DCDC1: variants seen among roughly 807,000 people sequenced by gnomAD.
DCDC1 encodes the protein doublecortin domain-containing protein 1.
In DCDC1, 200 loss-of-function variants were observed where a neutral mutation model predicts 178.3. The ratio of observed to expected loss-of-function variants is 1.12; its 90% CI spans 1.00 to 1.26. The LOEUF (loss-of-function observed/expected upper bound fraction) is 1.26. Ranked by LOEUF, DCDC1 falls within the 50% of genes most tolerant of loss-of-function variation. The pLI is 0.00. For synonymous variants in DCDC1, 690 were observed against 604.8 expected (o/e 1.14, Z -2.07); for missense variants, 1,983 against 1,749.2 (o/e 1.13, Z -2.38).
chr11:31,106,752 T>C (rs1036745113), intron 13 of DCDC1, 45 bp downstream of exon 13: 2 of 745,600 alleles, frequency 2.7e-6, no homozygotes, highest in African/African-American at 3.5e-5. Flanking sequence ...AAATTAGCTC[T>C]CCCCTGGAAA....
chr11:30,912,214 G>C (rs1249245794), intron 27 of DCDC1, among the ~76,000 whole-genome samples: 1 of 152,000 alleles, frequency 6.6e-6, no homozygotes, highest in Non-Finnish European at 1.5e-5. Context: ...CTCAACATTG[G>C]ACTTTCCAAC....
At chr11:31,028,452 T>C (rs1301535012) in intron 20 of DCDC1, among the ~76,000 whole-genome samples, 1 of 151,992 alleles carries the variant, frequency 6.6e-6, no homozygotes, top group Non-Finnish European at 1.5e-5. Context: ...CTAGAGTTAC[T>C]GATGCCCTGT....
intron 36 of DCDC1, chr11:30,883,339 G>C (rs966044889): frequency 8.2e-6 from 2 of 242,540 alleles, no homozygotes; most frequent in African/African-American, 4.7e-5. Context: ...AAGAGACAAA[G>C]TGTATGAGAG....
intron 9 of DCDC1, among the ~76,000 whole-genome samples, chr11:31,224,787 T>C (rs1974709902): frequency 6.6e-6 from 1 of 151,868 alleles, no homozygotes; most frequent in East Asian, 1.9e-4. Flanking sequence ...ATCAGGGAAA[T>C]GCAAATTAGA....
At chr11:31,330,456 T>A (rs1458675544) in intron 2 of DCDC1, among the ~76,000 whole-genome samples, 2 of 152,184 alleles carry the variant, frequency 1.3e-5, no homozygotes, top group African/African-American at 4.8e-5. Flanking sequence ...GGTGTTTTAG[T>A]CATGAAGTCC....
intron 21 of DCDC1, among the ~76,000 whole-genome samples, chr11:30,933,069 T>C (rs1247621223): frequency 6.6e-6 from 1 of 152,092 alleles, no homozygotes; most frequent in Non-Finnish European, 1.5e-5. Flanking sequence ...TCCTGTAAAA[T>C]ATCACTACTG....
chr11:30,939,209 C>A (rs552841614), intron 21 of DCDC1, among the ~76,000 whole-genome samples: 1 of 152,306 alleles, frequency 6.6e-6, no homozygotes, highest in South Asian at 2.1e-4. Context: ...CCTCCACTGT[C>A]TCCTGAATAA....
intron 6 of DCDC1, among the ~76,000 whole-genome samples, chr11:31,292,420 A>T (rs1947299283): frequency 6.6e-6 from 1 of 152,192 alleles, no homozygotes; most frequent in East Asian, 1.9e-4. Context: ...CACAGATGGA[A>T]TATCATTCAG....
intron 21 of DCDC1, among the ~76,000 whole-genome samples, chr11:30,952,164 G>A (rs1223430607): frequency 6.6e-6 from 1 of 152,154 alleles, no homozygotes; most frequent in Non-Finnish European, 1.5e-5. Flanking sequence ...CAATCCACCA[G>A]GGAGATATAA....
chr11:31,075,570 CT>C (rs1956816031), intron 18 of DCDC1, among the ~76,000 whole-genome samples: 1 of 151,758 alleles, frequency 6.6e-6, no homozygotes, highest in South Asian at 2.1e-4. Context: ...TTATTTTTGT[CT>C]TCTTCATAAC....
chr11:31,029,071 A>G (rs749852836), intron 20 of DCDC1, among the ~76,000 whole-genome samples: 3 of 152,082 alleles, frequency 2.0e-5, no homozygotes, highest in Non-Finnish European at 4.4e-5. Context: ...AACTTCGATC[A>G]GTGAGAGGAA....
chr11:31,247,351 C>T (rs1028022768), intron 8 of DCDC1, among the ~76,000 whole-genome samples: 1 of 151,410 alleles, frequency 6.6e-6, no homozygotes, highest in African/African-American at 2.4e-5. Context: ...GCAAGTGGAC[C>T]GAAATGGTGT....
chr11:31,222,977 T>G (rs922401527), intron 9 of DCDC1, among the ~76,000 whole-genome samples: 4 of 152,200 alleles, frequency 2.6e-5, no homozygotes, highest in Non-Finnish European at 4.4e-5. Flanking sequence ...ACCTTGAAAG[T>G]AATATAATTC....
rs143790126 is a variant in DCDC1, at chr11:31,276,845, T to C, written c.961-11245A>G. Among the ~76,000 whole-genome samples, 336 of 152,282 alleles carry C rather than the reference T, an allele frequency of 2.2e-3. 2 individuals carry two copies. The highest frequency in any genetic ancestry group is 7.3e-3 in the African/African-American group (305 of 41,590). On this transcript the variant is annotated intron_variant, in intron 7 of 38. Transcript: ENST00000684477. ...AGCTATTTCTCGTGAATTTGTGTTC[T>C]GTGGTGTTTTGGTATTTTATTTTTA... is the stretch of plus-strand genomic sequence containing the variant.
At chr11:31,053,813 G>A (rs1955416624) in intron 20 of DCDC1, among the ~76,000 whole-genome samples, 1 of 152,030 alleles carries the variant, frequency 6.6e-6, no homozygotes, top group Non-Finnish European at 1.5e-5. Flanking sequence ...GCATATAAGG[G>A]ACATACCTTA....
intron 27 of DCDC1, among the ~76,000 whole-genome samples, chr11:30,914,453 C>G (rs1945677173): frequency 6.6e-6 from 1 of 152,146 alleles, no homozygotes; most frequent in South Asian, 2.1e-4. Context: ...TCAGCTCTTT[C>G]CCAGAAAAAA....
intron 8 of DCDC1, among the ~76,000 whole-genome samples, chr11:31,265,087 T>C (rs774240006): frequency 2.6e-5 from 4 of 152,116 alleles, no homozygotes; most frequent in Non-Finnish European, 4.4e-5. Flanking sequence ...CTACATTTAG[T>C]TTGGTATGTT....
At chr11:30,878,026 C>T (rs965194371) in intron 38 of DCDC1, among the ~76,000 whole-genome samples, 1 of 151,990 alleles carries the variant, frequency 6.6e-6, no homozygotes, top group Non-Finnish European at 1.5e-5. Context: ...TAGTAGTTTC[C>T]TTCTTTTCTT....
intron 1 of DCDC1, among the ~76,000 whole-genome samples, chr11:31,363,310 T>C (rs1353948766): frequency 6.6e-6 from 1 of 152,174 alleles, no homozygotes; most frequent in Non-Finnish European, 1.5e-5. Context: ...ATGAGATACT[T>C]AGCATTTAAA....
Sources: gnomAD v4.1 joint callset for allele counts (sites outside exome capture counted in the v4.1 genomes callset) on GRCh38, gnomAD v4.1.1 for gene constraint, MANE v1.5 for transcripts, NCBI Gene and HGNC (gene_info 2026-07-23, HGNC 2026-07-21) for gene names.